SYNPR: variants seen among roughly 807,000 people sequenced by gnomAD.
The protein encoded by SYNPR is synaptoporin.
Under a neutral mutation model 32.9 loss-of-function variants are expected in SYNPR, and 23 were observed. That is an observed-to-expected ratio of 0.70 (90% CI 0.50 to 0.99). The LOEUF (loss-of-function observed/expected upper bound fraction) is 0.99. Among genes scored for constraint, SYNPR ranks in the 50% least tolerant of loss-of-function variants. The pLI, the probability that SYNPR is intolerant of heterozygous loss-of-function variation, is 0.00. For missense variants in SYNPR, 318 were observed against 349.3 expected (o/e 0.91, Z 0.71); for synonymous variants, 146 against 135.9 (o/e 1.07, Z -0.52).
At chr3:63,325,523 T>C (rs1018423227) in intron 2 of SYNPR, among the ~76,000 whole-genome samples, 2 of 152,096 alleles carry the variant, frequency 1.3e-5, no homozygotes, top group African/African-American at 4.8e-5. Flanking sequence ...CCCAGGATCT[T>C]ACTGAGGTGC....
chr3:63,597,287 C>G (rs1015957605), intron 4 of SYNPR, among the ~76,000 whole-genome samples: 2 of 152,058 alleles, frequency 1.3e-5, no homozygotes, highest in African/African-American at 4.8e-5. Context: ...GACCCTGGAC[C>G]ACTATTGAAT....
At chr3:63,469,285 C>G (rs1700750854) in intron 2 of SYNPR, among the ~76,000 whole-genome samples, 1 of 152,040 alleles carries the variant, frequency 6.6e-6, no homozygotes, top group Non-Finnish European at 1.5e-5. Context: ...CAGCTTCTGG[C>G]AAGGGGTAGT....
chr3:63,588,960 TCTC>T (rs1703253303), intron 4 of SYNPR, among the ~76,000 whole-genome samples: 1 of 151,998 alleles, frequency 6.6e-6, no homozygotes. Flanking sequence ...CAAGCAGTCT[TCTC>T]CTCATGCTAA....
chr3:63,481,445 ATATATATG>A (rs1248887252), intron 3 of SYNPR, among the ~76,000 whole-genome samples: 3 of 134,336 alleles, frequency 2.2e-5, no homozygotes, highest in Non-Finnish European at 4.7e-5. Flanking sequence ...GTATATATAT[ATATATATG>A]TGTGTGTGTG....
rs375885444 is a variant in SYNPR at position 63,615,430 on chromosome 3, T to C, written c.807T>C (p.Asp269=). 5 of 1,613,862 alleles carry C rather than the reference T, an allele frequency of 3.1e-6. No homozygotes were observed. The African/African-American group carries it at 6.7e-5, about 22-fold the overall frequency. ...AGGCGAGTTTGGGGCCAACCTCAGA[T>C]GAGTTTGGCCAACAGCCTACTGGCC... ...SQQASLGPTS[D]EFGQQPTGPT... is the part of the protein sequence containing the mutation. The change falls in exon 6 of 6, where the codon GAT becomes GAC. Residue 269 remains aspartate, a synonymous_variant. Transcript: ENST00000478300.
intron 4 of SYNPR, among the ~76,000 whole-genome samples, chr3:63,576,170 C>T (rs1702976425): frequency 6.6e-6 from 1 of 152,134 alleles, no homozygotes; most frequent in Non-Finnish European, 1.5e-5. Context: ...TCAGCAGCGT[C>T]CATCATCCCT....
intron 3 of SYNPR, among the ~76,000 whole-genome samples, chr3:63,554,304 G>A (rs530237526): frequency 6.6e-6 from 1 of 152,228 alleles, no homozygotes; most frequent in Non-Finnish European, 1.5e-5. Flanking sequence ...GGCCAATGTT[G>A]AGAAGGGCAT....
chr3:63,303,905 T>G (rs997069604), intron 2 of SYNPR, among the ~76,000 whole-genome samples: 3 of 151,982 alleles, frequency 2.0e-5, no homozygotes, highest in African/African-American at 7.2e-5. Context: ...ACCAAGATAA[T>G]GTAGTTAATG....
At chr3:63,303,746 A>G (rs1458928154) in intron 2 of SYNPR, among the ~76,000 whole-genome samples, 2 of 152,000 alleles carry the variant, frequency 1.3e-5, no homozygotes, top group Non-Finnish European at 2.9e-5. Context: ...TGTTTCTTCT[A>G]TTCCCCCTTT....
intron 4 of SYNPR, among the ~76,000 whole-genome samples, chr3:63,560,555 A>G (rs912874663): frequency 6.6e-6 from 1 of 152,196 alleles, no homozygotes; most frequent in African/African-American, 2.4e-5. Flanking sequence ...AAAGATGGCT[A>G]CTGTATTAGT....
intron 4 of SYNPR, among the ~76,000 whole-genome samples, chr3:63,602,965 C>T (rs561343954): frequency 6.6e-6 from 1 of 152,194 alleles, no homozygotes; most frequent in African/African-American, 2.4e-5. Context: ...ATGGATTCTT[C>T]CTCTCCATGA....
intron 3 of SYNPR, among the ~76,000 whole-genome samples, chr3:63,502,962 A>C (rs1451904210): frequency 6.6e-6 from 1 of 152,154 alleles, no homozygotes; most frequent in African/African-American, 2.4e-5. Context: ...ATGTGGACAT[A>C]AGGTTTTAAT....
At chr3:63,383,130 C>A (rs2087993882) in intron 2 of SYNPR, among the ~76,000 whole-genome samples, 1 of 152,168 alleles carries the variant, frequency 6.6e-6, no homozygotes, top group Admixed American at 6.5e-5. Flanking sequence ...GATTTGTTTT[C>A]TTATTCATTG....
At position 63,480,680 on chromosome 3, in the gene SYNPR, T is replaced by C. The variant is rs569443107; in HGVS notation, c.85-152T>C. Among the ~76,000 whole-genome samples, 9 of 152,318 alleles carry C rather than the reference T, an allele frequency of 5.9e-5. No homozygotes were observed. In the South Asian group the frequency reaches 1.7e-3, roughly 28 times the overall value. On this transcript the variant is annotated intron_variant, in intron 2 of 5. Transcript: ENST00000478300. ...CATGTCCCCAGTCCTCACTCCATTC[T>C]ACCTTCATCTTCCAGCTGAACCAAG...
intron 1 of SYNPR, among the ~76,000 whole-genome samples, chr3:63,228,624 C>A (rs1465460268): frequency 6.6e-6 from 1 of 152,102 alleles, no homozygotes; most frequent in Non-Finnish European, 1.5e-5. Context: ...ACCACACTCT[C>A]AAGATTTCTA....
intron 2 of SYNPR, among the ~76,000 whole-genome samples, chr3:63,438,774 T>C (rs1700124840): frequency 6.6e-6 from 1 of 152,226 alleles, no homozygotes; most frequent in South Asian, 2.1e-4. Flanking sequence ...GGTTGTTCCA[T>C]AAGTGAATTG....
intron 2 of SYNPR, among the ~76,000 whole-genome samples, chr3:63,405,756 C>T (rs1042639117): frequency 6.6e-6 from 1 of 152,058 alleles, no homozygotes; most frequent in Non-Finnish European, 1.5e-5. Context: ...TGGCATGTGC[C>T]AGAGGATAGA....
At chr3:63,603,659 T>C (rs6778298) in intron 4 of SYNPR, among the ~76,000 whole-genome samples, 94,620 of 152,068 alleles carry the variant, frequency 0.62, 29,635 homozygotes, top group African/African-American at 0.68. Context: ...TTGATTTGTG[T>C]ATGTAGCACC....
chr3:63,466,996 T>C (rs990512776), intron 2 of SYNPR, among the ~76,000 whole-genome samples: 2 of 152,066 alleles, frequency 1.3e-5, no homozygotes, highest in Admixed American at 1.3e-4. Context: ...ATACTTTTAT[T>C]TATTTATTTA....
Sources: gnomAD v4.1 joint callset for allele counts (sites outside exome capture counted in the v4.1 genomes callset) on GRCh38, gnomAD v4.1.1 for gene constraint, MANE v1.5 for transcripts, NCBI Gene and HGNC (gene_info 2026-07-23, HGNC 2026-07-21) for gene names.